The following HECTD4 variants were observed in gnomAD, a reference collection of about 807,000 sequenced individuals.
The protein encoded by HECTD4 is probable E3 ubiquitin-protein ligase HECTD4.
In HECTD4, 114 loss-of-function variants were observed where a neutral mutation model predicts 471.5. The observed-to-expected ratio is 0.24, with a 90% CI of 0.21 to 0.28. HECTD4 has a LOEUF of 0.28. Among genes scored for constraint, HECTD4 ranks in the 10% least tolerant of loss-of-function variants. The probability of loss-of-function intolerance (pLI) is 1.00; values close to 1 mark genes in which losing one functional copy is unlikely to be tolerated. For missense variants in HECTD4, 3,866 were observed against 5,651.5 expected (o/e 0.68, Z 10.13); for synonymous variants, 2,012 against 2,256.0 (o/e 0.89, Z 3.07).
At chr12:112,323,291 G>A (rs971899882) in intron 1 of HECTD4, among the ~76,000 whole-genome samples, 4 of 152,120 alleles carry the variant, frequency 2.6e-5, no homozygotes, top group Non-Finnish European at 4.4e-5. Flanking sequence ...TCTTTATTGG[G>A]TGTGTACTTT....
Position 112,319,599 on chromosome 12 carries a change from C to T in HECTD4, c.321G>A (p.Leu107=). The part of the protein sequence containing the change: ...LRGLWNAQRQ[L]ALEEQHERES... Reference sequence around the variant, plus strand: ...CCCTTTCATGCTGTTCTTCTAAGGCCAGCTGGCGCTGGGCATTCCACAGTC... The same window carrying T: ...CCCTTTCATGCTGTTCTTCTAAGGCTAGCTGGCGCTGGGCATTCCACAGTC... The change falls in exon 2 of 76, where the codon CTG becomes CTA. Residue 107 remains leucine, a synonymous_variant. Coordinates refer to ENST00000682272, the MANE Select transcript of HECTD4 (RefSeq NM_001388303.1). This position sits in a 1 kb window ranked among gnomAD's most constrained non-coding sequence, Gnocchi z 5.3. The T allele has an allele frequency of 7.0e-7, 1 of 1,424,294 alleles. No individual in the cohort carries two copies. The highest frequency in any genetic ancestry group is 9.1e-7 in the Non-Finnish European group (1 of 1,093,834). 88.2% of individuals were successfully genotyped at this position (1,424,294 alleles called of 1,614,324 possible). A position where few individuals can be genotyped will look rare whatever the true frequency, so the allele number is the denominator to read the frequency against.
At chr12:112,222,322 G>A (rs1376077275) in intron 44 of HECTD4, among the ~76,000 whole-genome samples, 1 of 152,148 alleles carries the variant, frequency 6.6e-6, no homozygotes, top group African/African-American at 2.4e-5. Flanking sequence ...CTCTCAAAGT[G>A]CTGAAATTAC....
intron 44 of HECTD4, among the ~76,000 whole-genome samples, chr12:112,222,840 C>CA (rs1422772365): frequency 6.6e-6 from 1 of 151,994 alleles, no homozygotes; most frequent in Non-Finnish European, 1.5e-5. Flanking sequence ...TCTCAAAAAA[C>CA]AAAAACAAAA....
In HECTD4 at chr12:112,240,032, GA is replaced by G; in HGVS notation, c.4959-6del. Reference sequence around the variant, plus strand: ...CCACATGTGAGTTCTTCAATTCTGTGAAAGAGAAACCAAAGCTCAGGCTTCC... The same window carrying G: ...CCACATGTGAGTTCTTCAATTCTGTGAAGAGAAACCAAAGCTCAGGCTTCC... On this transcript the variant is annotated splice_polypyrimidine_tract_variant and splice_region_variant and intron_variant, in intron 32 of 75. Transcript: ENST00000682272. 1 of 1,613,434 alleles carries G rather than the reference GA, an allele frequency of 6.2e-7. No homozygotes were observed.
At chr12:112,197,191 C>T (rs545735024) in intron 55 of HECTD4, among the ~76,000 whole-genome samples, 13 of 152,172 alleles carry the variant, frequency 8.5e-5, no homozygotes, top group African/African-American at 1.9e-4. Flanking sequence ...AGATTACAGG[C>T]GTGAGCCACT....
chr12:112,250,904 G>A, intron 24 of HECTD4, 67 bp downstream of exon 24: 2 of 1,463,722 alleles, frequency 1.4e-6, no homozygotes, highest in South Asian at 1.4e-5. Flanking sequence ...GTACCAAAAG[G>A]ATTTTTCCAC....
In HECTD4 at chr12:112,163,448, C is replaced by T; in HGVS notation, c.12897+94G>A. The T allele has an allele frequency of 8.6e-7, 1 of 1,167,634 alleles. No homozygotes were observed. Among genetic ancestry groups the T allele is most frequent in the Admixed American group, 2.9e-5 (1 of 34,910 alleles). 72.3% of individuals were successfully genotyped at this position (1,167,634 alleles called of 1,614,324 possible). A position where few individuals can be genotyped will look rare whatever the true frequency, so the allele number is the denominator to read the frequency against. ...GTGGCAAGGACAGAGCTGAGACAGG[C>T]CACTGCCGATGCCTGCTGCTGGAGT... On this transcript the variant is annotated intron_variant, in intron 74 of 75. Coordinates refer to ENST00000682272, the MANE Select transcript of HECTD4 (RefSeq NM_001388303.1). This position sits in a 1 kb window ranked among gnomAD's most constrained non-coding sequence, Gnocchi z 8.2.
At chr12:112,337,241 G>A (rs2035974863) in intron 1 of HECTD4, among the ~76,000 whole-genome samples, 1 of 152,166 alleles carries the variant, frequency 6.6e-6, no homozygotes, top group African/African-American at 2.4e-5. Flanking sequence ...AAACTTTTAA[G>A]TGTCAAATGC....
intron 15 of HECTD4, 119 bp from the exon 16 acceptor site, chr12:112,265,414 A>G: frequency 1.5e-6 from 1 of 656,826 alleles, no homozygotes; most frequent in Non-Finnish European, 2.4e-6. Flanking sequence ...TCTTAAGCAA[A>G]TCACCTTAGT....
chr12:112,252,085 C>T lies in HECTD4; in HGVS notation c.3552+339G>A, dbSNP rs559331056. ...CCACGCCCAGCCGGATGCTTAACTA[C>T]TCTTAAAACCCAGGATCTAAGTGCT... On this transcript the variant is annotated intron_variant, in intron 23 of 75. Transcript: ENST00000682272. Among the ~76,000 whole-genome samples the T allele has an allele frequency of 3.9e-5, 6 of 152,242 alleles. No individual in the cohort carries two copies. In the East Asian group the frequency reaches 1.2e-3, roughly 29 times the overall value.
chr12:112,343,016 T>G (rs976051887), intron 1 of HECTD4, among the ~76,000 whole-genome samples: 1 of 152,204 alleles, frequency 6.6e-6, no homozygotes, highest in Non-Finnish European at 1.5e-5. Flanking sequence ...ACTAGTAAAA[T>G]GAAACAAGTT....
At chr12:112,302,980 T>C (rs2035196050) in intron 7 of HECTD4, among the ~76,000 whole-genome samples, 1 of 80,972 alleles carries the variant, frequency 1.2e-5, no homozygotes, top group South Asian at 4.0e-4. Flanking sequence ...TGTCTGCTCT[T>C]TTTTTTTTTT....
intron 6 of HECTD4, among the ~76,000 whole-genome samples, chr12:112,306,972 A>T (rs770031441): frequency 2.0e-5 from 3 of 152,344 alleles, no homozygotes; most frequent in Non-Finnish European, 4.4e-5. Context: ...ATCATTTCAC[A>T]TTAAATGTGT....
Position 112,172,869 on chromosome 12 carries a change from TGGGGACA to T in HECTD4, c.11595-15_11595-9del, listed in dbSNP as rs762787495. On this transcript the variant is annotated splice_polypyrimidine_tract_variant and intron_variant, in intron 66 of 75. Transcript: ENST00000682272. Reference sequence around the variant, plus strand: ...ACATCGATGCATGCGCACCTTGGGGTGGGGACAGGGGGAGAGGGGCAAAGTGAGGCAG... The same window carrying T: ...ACATCGATGCATGCGCACCTTGGGGTGGGGGAGAGGGGCAAAGTGAGGCAG... 1.2e-6 allele frequency: 2 copies of T among 1,613,264 alleles called. No homozygotes were observed. The highest frequency in any genetic ancestry group is 1.7e-6 in the Non-Finnish European group (2 of 1,179,524).
At position 112,167,490 on chromosome 12, in the gene HECTD4, G is replaced by A. The variant is rs1335686964; in HGVS notation, c.12361C>T (p.Leu4121=). 7 of 1,611,244 alleles carry A rather than the reference G, an allele frequency of 4.3e-6. No individual in the cohort carries two copies. The highest frequency in any genetic ancestry group is 5.9e-6 in the Non-Finnish European group (7 of 1,178,142). Residue 4121 remains leucine (L), a synonymous_variant, in exon 72 of 76, where the codon CTG becomes TTG. Transcript: ENST00000682272. ...AGCAGCTGCCCCAGGAAGTGCAGCA[G>A]CTGCTCCTCCCCGTAGGTGATGGGG... ...PSPITYGEEQ[L]LHFLGQLLGI... is the part of the protein sequence containing the mutation.
intron 66 of HECTD4, among the ~76,000 whole-genome samples, chr12:112,175,464 T>G (rs973883897): frequency 1.3e-5 from 2 of 152,232 alleles, no homozygotes; most frequent in Non-Finnish European, 2.9e-5. Context: ...AGAATACGTT[T>G]CTGTTGTTTA....
chr12:112,187,361 A>G (rs2137032171), intron 60 of HECTD4, among the ~76,000 whole-genome samples: 1 of 152,284 alleles, frequency 6.6e-6, no homozygotes, highest in African/African-American at 2.4e-5. Flanking sequence ...TGTGACGGCA[A>G]CTATTTTCTT....
At position 112,193,331 on chromosome 12, in the gene HECTD4, G is replaced by T; in HGVS notation, c.8955+138C>A. The T allele has an allele frequency of 7.4e-7, 1 of 1,348,652 alleles. No individual in the cohort carries two copies. Among genetic ancestry groups the T allele is most frequent in the Non-Finnish European group, 1.0e-6 (1 of 977,964 alleles). The allele number at this position is 1,348,652 out of a possible 1,614,324, so 83.5% of individuals were successfully genotyped here. A position where few individuals can be genotyped will look rare whatever the true frequency, so the allele number is the denominator to read the frequency against. ...GGAAGCAAGCTACAGATGAGATAAA[G>T]CAGAAAAGCTTCTAGGAAAAGGAAA... is the stretch of plus-strand genomic sequence containing the variant. On this transcript the variant is annotated intron_variant, in intron 57 of 75. Coordinates refer to ENST00000682272, the MANE Select transcript of HECTD4 (RefSeq NM_001388303.1). The surrounding 1 kb of genome is among the most constrained non-coding windows in gnomAD (Gnocchi z 5.2).
At chr12:112,304,865 T>A (rs958675611) in intron 7 of HECTD4, among the ~76,000 whole-genome samples, 1 of 152,188 alleles carries the variant, frequency 6.6e-6, no homozygotes, top group South Asian at 2.1e-4. Context: ...TGCTGCTGGG[T>A]TGGATGACTG....
Sources: gnomAD v4.1 joint callset for allele counts (sites outside exome capture counted in the v4.1 genomes callset) on GRCh38, gnomAD v4.1.1 for gene constraint, Gnocchi (gnomAD v3.1) non-coding constraint, MANE v1.5 for transcripts, NCBI Gene and HGNC (gene_info 2026-07-23, HGNC 2026-07-21) for gene names.